RARB: variants seen among roughly 807,000 people sequenced by gnomAD.
The protein encoded by RARB is HBV-activated protein.
A neutral mutation model predicts 51.9 loss-of-function variants in RARB; 17 were observed. The ratio of observed to expected loss-of-function variants is 0.33; its 90% CI spans 0.22 to 0.49. RARB has a LOEUF of 0.49. Ranked by LOEUF, RARB falls within the 20% of genes least tolerant of loss-of-function variation. The pLI is 0.99. For synonymous variants in RARB, 215 were observed against 195.4 expected, an observed-to-expected ratio of 1.10 and a Z score of -0.84; for missense variants, 369 against 550.8, an observed-to-expected ratio of 0.67 and a Z score of 3.30.
intron 5 of RARB, among the ~76,000 whole-genome samples, chr3:25,210,993 G>C (rs78081579): frequency 2.0e-5 from 3 of 152,080 alleles, no homozygotes; most frequent in African/African-American, 7.2e-5. Context: ...CTGTGCCTCA[G>C]TTTCCTCATT....
At chr3:25,327,337 A>C (rs1704751833) in intron 5 of RARB, among the ~76,000 whole-genome samples, 1 of 152,204 alleles carries the variant, frequency 6.6e-6, no homozygotes. Context: ...GATTCACATC[A>C]AGCAGCACTA....
intron 5 of RARB, among the ~76,000 whole-genome samples, chr3:25,361,146 G>A (rs1705920794): frequency 1.3e-5 from 2 of 152,112 alleles, no homozygotes; most frequent in African/African-American, 4.8e-5. Context: ...TTTTCACATA[G>A]TCCCATATTT....
At chr3:25,074,635 C>CA (rs1296851882) in intron 3 of RARB, among the ~76,000 whole-genome samples, 5 of 152,126 alleles carry the variant, frequency 3.3e-5, no homozygotes, top group Non-Finnish European at 4.4e-5. Context: ...CTCCTTTATA[C>CA]AAAAAAATTA....
At chr3:25,063,506 G>A (rs1435988445) in intron 3 of RARB, among the ~76,000 whole-genome samples, 3 of 151,728 alleles carry the variant, frequency 2.0e-5, no homozygotes, top group East Asian at 3.9e-4. Context: ...ATAATTTGTC[G>A]ATTTTTAAAT....
At chr3:25,161,679 T>C (rs1700475201) in intron 4 of RARB, among the ~76,000 whole-genome samples, 1 of 152,350 alleles carries the variant, frequency 6.6e-6, no homozygotes, top group East Asian at 1.9e-4. Flanking sequence ...TTAGTACATA[T>C]TCTTGTGCAT....
chr3:25,573,511 C>T (rs191147112), intron 4 of RARB, among the ~76,000 whole-genome samples: 4 of 152,322 alleles, frequency 2.6e-5, no homozygotes, highest in African/African-American at 9.6e-5. Context: ...GGGTGGAGGG[C>T]GCTCTGAGCC....
upstream of RARB, among the ~76,000 whole-genome samples, chr3:25,427,367 G>A (rs971333550): frequency 6.6e-6 from 1 of 152,176 alleles, no homozygotes; most frequent in Non-Finnish European, 1.5e-5. Context: ...AGTATTATAT[G>A]CCCATTTTAC....
chr3:25,051,647 G>C (rs1263349286), intron 2 of RARB, among the ~76,000 whole-genome samples: 1 of 152,044 alleles, frequency 6.6e-6, no homozygotes, highest in Non-Finnish European at 1.5e-5. Context: ...TAGGAACAGT[G>C]AGCTATTAGA....
intron 5 of RARB, among the ~76,000 whole-genome samples, chr3:25,188,803 T>C (rs1450191846): frequency 2.0e-5 from 3 of 152,150 alleles, no homozygotes; most frequent in Non-Finnish European, 1.5e-5. Flanking sequence ...ATACATACCA[T>C]GTTTTATTTG....
At chr3:25,414,616 G>T (rs1707652898) in intron 5 of RARB, among the ~76,000 whole-genome samples, 1 of 152,154 alleles carries the variant, frequency 6.6e-6, no homozygotes, top group Non-Finnish European at 1.5e-5. Context: ...GTATGTAGTG[G>T]TGTCTTATTG....
intron 3 of RARB, among the ~76,000 whole-genome samples, chr3:25,521,063 G>A (rs964680576): frequency 8.5e-5 from 13 of 152,158 alleles, no homozygotes; most frequent in African/African-American, 2.4e-4. Flanking sequence ...TAGAAACAGA[G>A]GATATAAATG....
intron 2 of RARB, among the ~76,000 whole-genome samples, chr3:25,487,644 A>T (rs1296396586): frequency 6.6e-6 from 1 of 152,188 alleles, no homozygotes; most frequent in Non-Finnish European, 1.5e-5. Flanking sequence ...GATGTTCTGA[A>T]ATACTTTGGG....
chr3:25,580,113 G>A (rs984430643), intron 4 of RARB, among the ~76,000 whole-genome samples: 23 of 152,242 alleles, frequency 1.5e-4, no homozygotes, highest in African/African-American at 4.6e-4. Context: ...AGTGGCTCAC[G>A]CCTGTAATCC....
chr3:25,520,074 T>C (rs1698339746), intron 3 of RARB, among the ~76,000 whole-genome samples: 1 of 152,248 alleles, frequency 6.6e-6, no homozygotes, highest in Non-Finnish European at 1.5e-5. Context: ...CATTCACTTA[T>C]GTATTGTCTG....
chr3:25,449,160 G>C (rs1033363194), intron 1 of RARB, among the ~76,000 whole-genome samples: 1 of 151,990 alleles, frequency 6.6e-6, no homozygotes, highest in Non-Finnish European at 1.5e-5. Context: ...ACTCCATTTG[G>C]CCTGAGTGAC....
intron 3 of RARB, among the ~76,000 whole-genome samples, chr3:25,110,501 T>G (rs1445983508): frequency 1.3e-5 from 2 of 152,176 alleles, no homozygotes; most frequent in Non-Finnish European, 2.9e-5. Flanking sequence ...AAAATACCAG[T>G]TGTTTCATTT....
intron 5 of RARB, among the ~76,000 whole-genome samples, chr3:25,199,549 C>T (rs746957267): frequency 1.1e-4 from 16 of 151,996 alleles, no homozygotes; most frequent in Non-Finnish European, 1.8e-4. Context: ...GTGTGCTGCA[C>T]CCATTAACTT....
chr3:25,221,524 C>G (rs572540311), intron 5 of RARB, among the ~76,000 whole-genome samples: 1 of 152,172 alleles, frequency 6.6e-6, no homozygotes, highest in Non-Finnish European at 1.5e-5. Context: ...TTCTCGCTTT[C>G]CTAGACTGAT....
chr3:25,087,907 T>A (rs1699130675), intron 3 of RARB, among the ~76,000 whole-genome samples: 1 of 151,968 alleles, frequency 6.6e-6, no homozygotes, highest in South Asian at 2.1e-4. Flanking sequence ...TTTCTTTTTT[T>A]AAAATAGATT....
Sources: allele counts gnomAD v4.1 joint callset (sites outside exome capture counted in the v4.1 genomes callset), GRCh38; gene constraint gnomAD v4.1.1; transcripts MANE v1.5; gene names NCBI Gene and HGNC (gene_info 2026-07-23, HGNC 2026-07-21).